SIPA1: variants seen among roughly 807,000 people sequenced by gnomAD.
SIPA1 encodes signal-induced proliferation-associated protein 1.
A neutral mutation model predicts 88.1 loss-of-function variants in SIPA1; 51 were observed. The ratio of observed to expected loss-of-function variants is 0.58; its 90% CI spans 0.46 to 0.73. The LOEUF (loss-of-function observed/expected upper bound fraction) is 0.73. SIPA1 is among the 30% of genes least tolerant of loss of function. The pLI, the probability that SIPA1 is intolerant of heterozygous loss-of-function variation, is 0.00. For synonymous variants in SIPA1, 681 were observed against 664.8 expected (o/e 1.02, Z -0.37); for missense variants, 1,348 against 1,467.6 (o/e 0.92, Z 1.33).
chr11:65,649,688 G>A lies in SIPA1; in HGVS notation c.2637+16G>A. On this transcript the variant is annotated intron_variant, in intron 11 of 15. Coordinates refer to ENST00000534313, the MANE Select transcript of SIPA1 (RefSeq NM_006747.4). Reference sequence around the variant, plus strand: ...CCTGACCCAGGTGAGCAGAAACCAGGCTCTGGAGCCCAACAGCACAGTGGT... The same window carrying A: ...CCTGACCCAGGTGAGCAGAAACCAGACTCTGGAGCCCAACAGCACAGTGGT... The A allele has an allele frequency of 6.2e-7, 1 of 1,614,058 alleles. No individual in the cohort carries two copies. The highest frequency in any genetic ancestry group is 2.2e-5 in the East Asian group (1 of 44,886).
chr11:65,643,934 G>A (rs1346368432), intron 4 of SIPA1, among the ~76,000 whole-genome samples: 1 of 152,160 alleles, frequency 6.6e-6, no homozygotes, highest in East Asian at 1.9e-4. Flanking sequence ...TAGACTGTAC[G>A]GGGCGGGGAT....
chr11:65,639,588 A>T (rs1475641311), intron 1 of SIPA1, among the ~76,000 whole-genome samples: 1 of 148,164 alleles, frequency 6.7e-6, no homozygotes, highest in Non-Finnish European at 1.5e-5. Flanking sequence ...GCCCCGCATG[A>T]TGTTGCTGGA....
intron 9 of SIPA1, among the ~76,000 whole-genome samples, chr11:65,648,562 G>A (rs941527730): frequency 1.3e-5 from 2 of 152,070 alleles, no homozygotes; most frequent in African/African-American, 4.8e-5. Context: ...GACCGGGCGC[G>A]GTGGCTCATG....
At chr11:65,647,986 C>A (rs988099199) in intron 9 of SIPA1, among the ~76,000 whole-genome samples, 4 of 152,072 alleles carry the variant, frequency 2.6e-5, no homozygotes, top group Non-Finnish European at 5.9e-5. Flanking sequence ...GTTCTCCTGC[C>A]TCAGCCTCCC....
At position 65,642,438 on chromosome 11, in the gene SIPA1, G is replaced by A; in HGVS notation, c.808-25G>A. 6.2e-7 allele frequency: 1 copy of A among 1,606,994 alleles called. No individual in the cohort carries two copies. Among genetic ancestry groups the A allele is most frequent in the Non-Finnish European group, 8.5e-7 (1 of 1,176,316 alleles). On this transcript the variant is annotated intron_variant, in intron 3 of 15. Coordinates refer to ENST00000534313, the MANE Select transcript of SIPA1 (RefSeq NM_006747.4). This position sits in a 1 kb window ranked among gnomAD's most constrained non-coding sequence, Gnocchi z 6.5. ...CTCCCCGACACCTTGTATGCATCCT[G>A]AGTGCCCTTACACCCCTTCCTCAGC... is the stretch of plus-strand genomic sequence containing the variant.
At chr11:65,644,243 G>A (rs55796623) in intron 4 of SIPA1, among the ~76,000 whole-genome samples, 12,300 of 151,588 alleles carry the variant, frequency 0.081, 649 homozygotes, top group South Asian at 0.27. Context: ...CAGCCAGGGA[G>A]GGGGAGGAGC....
At chr11:65,650,091 T>A (rs1262588200) in intron 13 of SIPA1, 40 bp downstream of exon 13, 1 of 1,611,774 alleles carries the variant, frequency 6.2e-7, no homozygotes, top group Non-Finnish European at 8.5e-7. Context: ...TGGGCAGTGC[T>A]CTTGCCCCCT....
chr11:65,644,585 G>A (rs1203941255), intron 4 of SIPA1, among the ~76,000 whole-genome samples: 1 of 151,960 alleles, frequency 6.6e-6, no homozygotes, highest in Non-Finnish European at 1.5e-5. Flanking sequence ...ACAGAAATGG[G>A]AGCATGGGGG....
At position 65,645,027 on chromosome 11, in the gene SIPA1, A is replaced by C; in HGVS notation, c.1057A>C (p.Asn353His). The change falls in exon 5 of 16, where the codon AAC becomes CAC. Residue 353 changes from asparagine to histidine, a missense_variant. Asn to His is a moderately conservative substitution (Grantham distance 68). Coordinates refer to ENST00000534313, the MANE Select transcript of SIPA1 (RefSeq NM_006747.4). ...GQGSEEEMYN[N>H]QEAGPAFMQF... Reference sequence around the variant, plus strand: ...GGGCTCGGAGGAGGAGATGTACAACAACCAGGAGGCGGGACCGGCCTTCAT... The same window carrying C: ...GGGCTCGGAGGAGGAGATGTACAACCACCAGGAGGCGGGACCGGCCTTCAT... The C allele has an allele frequency of 6.2e-7, 1 of 1,614,026 alleles. No homozygotes were observed. Among genetic ancestry groups the C allele is most frequent in the African/African-American group, 1.3e-5 (1 of 75,014 alleles).
rs1342386013 is a variant in SIPA1 at position 65,649,132 on chromosome 11, T to G, written c.2307-130T>G. ...AATGGCCAGTAACCAGGCAGACATT[T>G]TTCACTGTTGTCAGGATGCCGGGGA... is the stretch of plus-strand genomic sequence containing the variant. On this transcript the variant is annotated intron_variant, in intron 9 of 15. Transcript: ENST00000534313. 7.6e-6 allele frequency: 5 copies of G among 661,862 alleles called. No individual in the cohort carries two copies. The Admixed American group carries it at 1.6e-4, about 21-fold the overall frequency. The allele number at this position is 661,862 out of a possible 1,614,324, so 41.0% of individuals were successfully genotyped here. A position where few individuals can be genotyped will look rare whatever the true frequency, so the allele number is the denominator to read the frequency against.
At position 65,649,413 on chromosome 11, in the gene SIPA1, G is replaced by C; in HGVS notation, c.2458G>C (p.Gly820Arg). The stretch of plus-strand genomic sequence containing the variant: ...CCTGCAAGATGGTGGCAGTCCTCCA[G>C]GGCCTGGGGATCTGGCCGAGGAGAG... ...LCLQDGGSPP[G>R]PGDLAEERTE... The change falls in exon 10 of 16, where the codon GGG becomes CGG. Residue 820 changes from glycine to arginine, a missense_variant. Physicochemically the swap from Gly to Arg is moderately radical, Grantham distance 125 (BLOSUM62 -2). Coordinates refer to ENST00000534313, the MANE Select transcript of SIPA1 (RefSeq NM_006747.4). 1 of 1,593,248 alleles carries C rather than the reference G, an allele frequency of 6.3e-7. No homozygotes were observed. Among genetic ancestry groups the C allele is most frequent in the Non-Finnish European group, 8.5e-7 (1 of 1,169,606 alleles).
Position 65,646,656 on chromosome 11 carries a change from C to A in SIPA1, c.1622C>A (p.Thr541Asn). 1 of 1,547,882 alleles carries A rather than the reference C, an allele frequency of 6.5e-7. No individual in the cohort carries two copies. Among genetic ancestry groups the A allele is most frequent in the Non-Finnish European group, 8.7e-7 (1 of 1,149,256 alleles). Residue 541 changes from threonine to asparagine, a missense_variant, in exon 8 of 16, where the codon ACC becomes AAC. By Grantham distance (65) the Thr-to-Asn change is moderately conservative. Coordinates refer to ENST00000534313, the MANE Select transcript of SIPA1 (RefSeq NM_006747.4). This position sits in a 1 kb window ranked among gnomAD's most constrained non-coding sequence, Gnocchi z 7.5. ...CAGCAGTACCTGCAAGACCTGGCCACCAACGAGGTGACCACTACGTCGCTG... is the reference window on the plus strand; with the variant it reads ...CAGCAGTACCTGCAAGACCTGGCCAACAACGAGGTGACCACTACGTCGCTG... ...TRQQYLQDLA[T>N]NEVTTTSLDS...
chr11:65,642,719 G>C lies in SIPA1; in HGVS notation c.984+80G>C, dbSNP rs1025452135. ...AGCCTGCCCAGCTCCCAAACCCCTA[G>C]CCTTGACCCTGATCCTGGGCTGGGT... On this transcript the variant is annotated intron_variant, in intron 4 of 15. Transcript: ENST00000534313. The surrounding 1 kb of genome is among the most constrained non-coding windows in gnomAD (Gnocchi z 6.5). The C allele has an allele frequency of 3.8e-6, 5 of 1,328,556 alleles. No individual in the cohort carries two copies. The highest frequency in any genetic ancestry group is 1.5e-5 in the African/African-American group (1 of 67,264). 82.3% of individuals were successfully genotyped at this position (1,328,556 alleles called of 1,614,324 possible).
At position 65,646,679 on chromosome 11, in the gene SIPA1, C is replaced by G; in HGVS notation, c.1645C>G (p.Leu549Val). Reference protein sequence around the residue: ...LATNEVTTTSLDSASRFGLPS... With the variant: ...LATNEVTTTSVDSASRFGLPS... Reference sequence around the variant, plus strand: ...CACCAACGAGGTGACCACTACGTCGCTGGACTCGGCTTCACGCTTCGGCCT... The same window carrying G: ...CACCAACGAGGTGACCACTACGTCGGTGGACTCGGCTTCACGCTTCGGCCT... The change falls in exon 8 of 16, where the codon CTG becomes GTG. Residue 549 changes from leucine (L) to valine (V), a missense_variant. Leu to Val is a conservative substitution (Grantham distance 32). Transcript: ENST00000534313. This position sits in a 1 kb window ranked among gnomAD's most constrained non-coding sequence, Gnocchi z 7.5. 2.6e-6 allele frequency: 4 copies of G among 1,543,782 alleles called. No individual in the cohort carries two copies. In the South Asian group the frequency reaches 4.8e-5, roughly 18 times the overall value.
At position 65,646,185 on chromosome 11, in the gene SIPA1, A is replaced by C. The variant is rs201926117; in HGVS notation, c.1264-36A>C. The C allele has an allele frequency of 1.9e-6, 3 of 1,608,736 alleles. No individual in the cohort carries two copies. The highest frequency in any genetic ancestry group is 2.2e-5 in the East Asian group (1 of 44,838). ...AATGAGGAGGGGTTTGGGGCACAGA[A>C]GACCTCATCACGAGCCCCTACTATC... On this transcript the variant is annotated intron_variant, in intron 6 of 15. Transcript: ENST00000534313. The surrounding 1 kb of genome is among the most constrained non-coding windows in gnomAD (Gnocchi z 7.5).
chr11:65,642,102 C>G lies in SIPA1; in HGVS notation c.680-148C>G. On this transcript the variant is annotated intron_variant, in intron 2 of 15. Transcript: ENST00000534313. This position sits in a 1 kb window ranked among gnomAD's most constrained non-coding sequence, Gnocchi z 6.5. Reference sequence around the variant, plus strand: ...AGGGTTGAGATCAAGATATTGAGCTCGGGGCTACAGAGGGGCGGGACTTAG... The same window carrying G: ...AGGGTTGAGATCAAGATATTGAGCTGGGGGCTACAGAGGGGCGGGACTTAG... 2 of 1,155,398 alleles carry G rather than the reference C, an allele frequency of 1.7e-6. No homozygotes were observed. The highest frequency in any genetic ancestry group is 1.6e-5 in the African/African-American group (1 of 63,088). 71.6% of individuals were successfully genotyped at this position (1,155,398 alleles called of 1,614,324 possible).
intron 5 of SIPA1, 95 bp downstream of exon 5, chr11:65,645,224 C>T (rs977447923): frequency 7.8e-7 from 1 of 1,279,064 alleles, no homozygotes; most frequent in Non-Finnish European, 1.1e-6. Context: ...AATCCTGGGG[C>T]TGGGGACTGG....
rs1465896560 is a variant in SIPA1 at position 65,642,142 on chromosome 11, T to C, written c.680-108T>C. On this transcript the variant is annotated intron_variant, in intron 2 of 15. Coordinates refer to ENST00000534313, the MANE Select transcript of SIPA1 (RefSeq NM_006747.4). This position sits in a 1 kb window ranked among gnomAD's most constrained non-coding sequence, Gnocchi z 6.5. The stretch of plus-strand genomic sequence containing the variant: ...GCGGGACTTAGTCTAGGGTCAACAT[T>C]TGGTGGTGAGATGAAGCCTAGGGCG... 7 of 1,420,346 alleles carry C rather than the reference T, an allele frequency of 4.9e-6. No homozygotes were observed. Among genetic ancestry groups the C allele is most frequent in the Non-Finnish European group, 5.7e-6 (6 of 1,053,704 alleles). 88.0% of individuals were successfully genotyped at this position (1,420,346 alleles called of 1,614,324 possible). A position where few individuals can be genotyped will look rare whatever the true frequency, so the allele number is the denominator to read the frequency against.
Position 65,642,909 on chromosome 11 carries a change from A to C in SIPA1, c.984+270A>C, listed in dbSNP as rs531972449. Among the ~76,000 whole-genome samples, 1 of 149,408 alleles carries C rather than the reference A, an allele frequency of 6.7e-6. No homozygotes were observed. The highest frequency in any genetic ancestry group is 2.5e-5 in the African/African-American group (1 of 39,514). ...CTGAATCAGAGTTTGCACTTTATTT[A>C]TTTATTTATTTATTTATTTATTTTG... On this transcript the variant is annotated intron_variant, in intron 4 of 15. Transcript: ENST00000534313. The surrounding 1 kb of genome is among the most constrained non-coding windows in gnomAD (Gnocchi z 6.5).
Sources: gnomAD v4.1 joint callset for allele counts (sites outside exome capture counted in the v4.1 genomes callset) on GRCh38, gnomAD v4.1.1 for gene constraint, Gnocchi (gnomAD v3.1) non-coding constraint, MANE v1.5 for transcripts, NCBI Gene and HGNC (gene_info 2026-07-23, HGNC 2026-07-21) for gene names.